The following MDGA2 variants were observed in gnomAD, a reference collection of about 807,000 sequenced individuals.
The protein encoded by MDGA2 is MAM domain-containing glycosylphosphatidylinositol anchor protein 2.
In MDGA2, 40 loss-of-function variants were observed where a neutral mutation model predicts 117.8. The ratio of observed to expected loss-of-function variants is 0.34; its 90% CI spans 0.26 to 0.44. The LOEUF (loss-of-function observed/expected upper bound fraction) is 0.44. Ranked by LOEUF, MDGA2 falls within the 20% of genes least tolerant of loss-of-function variation. The pLI is 1.00. For synonymous variants in MDGA2, 452 were observed against 439.0 expected (o/e 1.03, Z -0.37); for missense variants, 1,123 against 1,250.6 (o/e 0.90, Z 1.54).
chr14:47,319,388 T>A (rs1594793450), intron 1 of MDGA2, among the ~76,000 whole-genome samples: 1 of 152,314 alleles, frequency 6.6e-6, no homozygotes, highest in Non-Finnish European at 1.5e-5. Flanking sequence ...ATAATGAAAT[T>A]GTTTTTACCC....
chr14:47,614,466 T>C (rs898124377), intron 1 of MDGA2, among the ~76,000 whole-genome samples: 7 of 152,138 alleles, frequency 4.6e-5, no homozygotes, highest in Admixed American at 4.6e-4. Context: ...CCTACCTCTC[T>C]TACACCCAAT....
At chr14:46,889,814 T>A (rs1882811701) in intron 10 of MDGA2, among the ~76,000 whole-genome samples, 1 of 152,048 alleles carries the variant, frequency 6.6e-6, no homozygotes, top group Non-Finnish European at 1.5e-5. Flanking sequence ...CTCCCCCAAG[T>A]GGGACCCAGA....
At chr14:47,556,809 C>T (rs539912392) in intron 1 of MDGA2, among the ~76,000 whole-genome samples, 3 of 152,290 alleles carry the variant, frequency 2.0e-5, no homozygotes, top group African/African-American at 7.2e-5. Context: ...GGTACAGTTC[C>T]TCGCTCCTTC....
intron 5 of MDGA2, among the ~76,000 whole-genome samples, chr14:47,115,531 T>C (rs1020364986): frequency 6.6e-6 from 1 of 152,008 alleles, no homozygotes; most frequent in Non-Finnish European, 1.5e-5. Flanking sequence ...TATGTTTATA[T>C]TGATATGCCT....
At chr14:47,251,484 A>C (rs1315741574) in intron 2 of MDGA2, among the ~76,000 whole-genome samples, 1 of 152,088 alleles carries the variant, frequency 6.6e-6, no homozygotes, top group East Asian at 1.9e-4. Flanking sequence ...TTTTTTTAAA[A>C]AAACACTTGA....
intron 3 of MDGA2, among the ~76,000 whole-genome samples, chr14:47,167,367 C>G (rs1566660660): frequency 6.6e-6 from 1 of 152,166 alleles, no homozygotes; most frequent in Non-Finnish European, 1.5e-5. Context: ...CTTAACCTCT[C>G]TGTGTACTCA....
intron 9 of MDGA2, among the ~76,000 whole-genome samples, chr14:46,944,424 G>GT (rs1885100312): frequency 1.3e-5 from 2 of 151,642 alleles, no homozygotes; most frequent in South Asian, 4.2e-4. Context: ...ATTGGACTAT[G>GT]GTATTCTTAC....
intron 5 of MDGA2, among the ~76,000 whole-genome samples, chr14:47,100,262 T>C (rs1030538273): frequency 2.3e-4 from 35 of 152,072 alleles, no homozygotes; most frequent in African/African-American, 8.0e-4. Context: ...TGTTAGCACT[T>C]GTGTAGGTAA....
intron 10 of MDGA2, among the ~76,000 whole-genome samples, chr14:46,889,945 C>T (rs958684111): frequency 4.5e-4 from 68 of 152,118 alleles, no homozygotes; most frequent in South Asian, 3.1e-3. Context: ...TATAGGCACC[C>T]ACTCTATTGC....
chr14:47,393,991 A>C (rs187442226), intron 1 of MDGA2, among the ~76,000 whole-genome samples: 7 of 152,262 alleles, frequency 4.6e-5, no homozygotes, highest in African/African-American at 7.2e-5. Context: ...AGGACAATTA[A>C]GTTTGTTTAA....
intron 1 of MDGA2, among the ~76,000 whole-genome samples, chr14:47,510,618 T>C (rs1325452587): frequency 2.6e-5 from 4 of 152,170 alleles, no homozygotes; most frequent in African/African-American, 9.7e-5. Context: ...ATTCCTCCCC[T>C]CCCTTTTCTT....
chr14:47,554,756 T>C (rs1895652458), intron 1 of MDGA2, among the ~76,000 whole-genome samples: 1 of 152,180 alleles, frequency 6.6e-6, no homozygotes, highest in African/African-American at 2.4e-5. Flanking sequence ...ATACAGAGTC[T>C]TAGAAGACTT....
chr14:46,879,854 G>C (rs1182418111), intron 11 of MDGA2, among the ~76,000 whole-genome samples: 1 of 152,092 alleles, frequency 6.6e-6, no homozygotes, highest in South Asian at 2.1e-4. Flanking sequence ...AAAACTGTAA[G>C]TACAAACAAC....
chr14:46,973,483 C>T (rs2138342544), intron 8 of MDGA2, among the ~76,000 whole-genome samples: 1 of 152,178 alleles, frequency 6.6e-6, no homozygotes. Context: ...GACTCCATGC[C>T]TTAATCAAAT....
intron 1 of MDGA2, among the ~76,000 whole-genome samples, chr14:47,538,529 TAAC>T (rs1242122780): frequency 6.6e-6 from 1 of 152,184 alleles, no homozygotes; most frequent in Non-Finnish European, 1.5e-5. Context: ...TATACAAAGA[TAAC>T]AACACAACAA....
chr14:47,100,113 A>G (rs1359703078), intron 5 of MDGA2, among the ~76,000 whole-genome samples: 2 of 152,036 alleles, frequency 1.3e-5, no homozygotes, highest in African/African-American at 4.8e-5. Flanking sequence ...ACATATTTAA[A>G]TACATCTCTA....
chr14:47,335,909 A>G (rs190597062), intron 1 of MDGA2, among the ~76,000 whole-genome samples: 30 of 151,070 alleles, frequency 2.0e-4, no homozygotes, highest in African/African-American at 6.8e-4. Context: ...TGGGCAGGAG[A>G]GCTACATTTG....
chr14:47,160,524 C>T (rs965069790), intron 3 of MDGA2, among the ~76,000 whole-genome samples: 1 of 152,104 alleles, frequency 6.6e-6, no homozygotes, highest in Non-Finnish European at 1.5e-5. Context: ...ATTAGCTGGG[C>T]ATGGTGCATC....
intron 1 of MDGA2, among the ~76,000 whole-genome samples, chr14:47,634,154 C>G (rs1482085192): frequency 6.6e-6 from 1 of 152,014 alleles, no homozygotes; most frequent in Non-Finnish European, 1.5e-5. Flanking sequence ...GCCAAATGCA[C>G]CATTTGTTGT....
Sources: allele counts gnomAD v4.1 joint callset (sites outside exome capture counted in the v4.1 genomes callset), GRCh38; gene constraint gnomAD v4.1.1; transcripts MANE v1.5; gene names NCBI Gene and HGNC (gene_info 2026-07-23, HGNC 2026-07-21).